The following PROM1 variants were observed in gnomAD, a reference collection of about 807,000 sequenced individuals.
The protein encoded by PROM1 is prominin 1, also known as prominin-1.
In PROM1, 105 loss-of-function variants were observed where a neutral mutation model predicts 116.9. The observed-to-expected ratio is 0.90, with a 90% CI of 0.77 to 1.06. The LOEUF (loss-of-function observed/expected upper bound fraction) is 1.06, where lower values mean the gene tolerates loss of function less well. PROM1 is among the 50% of genes least tolerant of loss of function. The pLI is 0.00. For synonymous variants in PROM1, 393 were observed against 387.0 expected (o/e 1.02, Z -0.18); for missense variants, 1,122 against 1,045.2 (o/e 1.07, Z -1.01).
intron 16 of PROM1, among the ~76,000 whole-genome samples, chr4:15,992,684 G>A (rs917562948): frequency 6.6e-6 from 1 of 152,126 alleles, no homozygotes; most frequent in African/African-American, 2.4e-5. Flanking sequence ...GCACTTGACT[G>A]GCATCTCTTC....
At chr4:15,973,233 C>T (rs965853615) in intron 26 of PROM1, among the ~76,000 whole-genome samples, 6 of 152,160 alleles carry the variant, frequency 3.9e-5, no homozygotes, top group Admixed American at 6.5e-5. Flanking sequence ...GATCACTTGA[C>T]GTCAGGAGTT....
At chr4:16,026,335 AG>A (rs1209217871) in intron 5 of PROM1, among the ~76,000 whole-genome samples, 1 of 152,150 alleles carries the variant, frequency 6.6e-6, no homozygotes, top group Non-Finnish European at 1.5e-5. Context: ...CTAATTGCCA[AG>A]GTTCTGTTGA....
intron 23 of PROM1, among the ~76,000 whole-genome samples, chr4:15,981,855 T>C (rs1461907335): frequency 6.6e-6 from 1 of 152,248 alleles, no homozygotes; most frequent in Non-Finnish European, 1.5e-5. Flanking sequence ...CATGTAAACC[T>C]GGATTTACAT....
At chr4:16,048,861 T>G (rs749858719) in intron 2 of PROM1, among the ~76,000 whole-genome samples, 1 of 152,182 alleles carries the variant, frequency 6.6e-6, no homozygotes, top group Non-Finnish European at 1.5e-5. Context: ...TTTACCTGGA[T>G]GTAGCATGTG....
At chr4:15,984,543 G>A (rs1718832271) in intron 22 of PROM1, among the ~76,000 whole-genome samples, 188 bp from the exon 23 acceptor site, 1 of 152,194 alleles carries the variant, frequency 6.6e-6, no homozygotes, top group African/African-American at 2.4e-5. Flanking sequence ...TAGGAACTGG[G>A]CTCCACAGCA....
At chr4:16,029,956 C>G (rs1363751299) in intron 5 of PROM1, among the ~76,000 whole-genome samples, 1 of 152,170 alleles carries the variant, frequency 6.6e-6, no homozygotes, top group Non-Finnish European at 1.5e-5. Context: ...TTTCTGCCTT[C>G]CAATTTTGTT....
At position 15,997,444 on chromosome 4, in the gene PROM1, T is replaced by C. The variant is rs1234088016; in HGVS notation, c.1682+941A>G. Among the ~76,000 whole-genome samples the C allele has an allele frequency of 4.6e-5, 7 of 151,078 alleles. 1 individual carries two copies. Among genetic ancestry groups the C allele is most frequent in the Non-Finnish European group, 1.0e-4 (7 of 67,754 alleles). The stretch of plus-strand genomic sequence containing the variant: ...ACCTGAGGTCAGGAGTTGTTATATA[T>C]ATATATACATAGTTTTTTTGTTTTC... On this transcript the variant is annotated intron_variant, in intron 15 of 27. Coordinates refer to ENST00000447510, the MANE Select transcript of PROM1 (RefSeq NM_006017.3).
At chr4:16,030,273 T>C (rs1732339812) in intron 5 of PROM1, among the ~76,000 whole-genome samples, 1 of 152,192 alleles carries the variant, frequency 6.6e-6, no homozygotes, top group Non-Finnish European at 1.5e-5. Flanking sequence ...CACACACTAC[T>C]CTTATTTAAG....
At chr4:15,984,395 C>T in intron 22 of PROM1, 40 bp from the exon 23 acceptor site, 1 of 1,385,604 alleles carries the variant, frequency 7.2e-7, no homozygotes, top group Non-Finnish European at 9.9e-7. Flanking sequence ...GAGCTGCATC[C>T]ACAAAAACCC....
At chr4:16,018,669 G>A in intron 8 of PROM1, 129 bp from the exon 9 acceptor site, 1 of 766,854 alleles carries the variant, frequency 1.3e-6, no homozygotes, top group Non-Finnish European at 2.2e-6. Flanking sequence ...ACACTGCAAG[G>A]GGCAGTCTGA....
In PROM1 at chr4:15,985,752, C is replaced by T. The variant is rs2149078265; in HGVS notation, c.2280+8G>A. The T allele has an allele frequency of 6.5e-7, 1 of 1,531,938 alleles. No individual in the cohort carries two copies. The highest frequency in any genetic ancestry group is 9.0e-7 in the Non-Finnish European group (1 of 1,110,458). 94.9% of individuals were successfully genotyped at this position (1,531,938 alleles called of 1,614,324 possible). On this transcript the variant is annotated splice_region_variant and intron_variant, in intron 22 of 27. Transcript: ENST00000447510. ...CCCCTTAACATTCATAAAAGATAAA[C>T]TACTTACAGAGAACTCGATCCACTG... is the stretch of plus-strand genomic sequence containing the variant.
intron 2 of PROM1, among the ~76,000 whole-genome samples, chr4:16,069,165 G>T (rs1424932092): frequency 6.6e-6 from 1 of 152,160 alleles, no homozygotes; most frequent in East Asian, 1.9e-4. Context: ...AACCCGGGAG[G>T]CAGAGGTTGC....
chr4:16,039,024 G>T, intron 2 of PROM1, 23 bp from the exon 3 acceptor site: 1 of 1,453,548 alleles, frequency 6.9e-7, no homozygotes, highest in Non-Finnish European at 9.1e-7. Context: ...CCACAAAATA[G>T]CAATATTATT....
rs557696517 is a variant in PROM1 at position 15,998,385 on chromosome 4, C to A, written c.1682G>T (p.Ser561Ile). ...AAATGTATAATGCAAATATTGATAC[C>A]TGTAAACTTGTTCAAAAGTGAGCTT... The part of the protein sequence containing the change: ...KMKLTFEQVY[S>I]DCKKNRGTYG... The change falls in exon 15 of 28, where the codon AGT becomes ATT. Residue 561 changes from serine (S) to isoleucine (I), a missense_variant and splice_region_variant. Ser to Ile is a moderately radical substitution (Grantham distance 142). Coordinates refer to ENST00000447510, the MANE Select transcript of PROM1 (RefSeq NM_006017.3). The A allele has an allele frequency of 6.3e-7, 1 of 1,593,336 alleles. No homozygotes were observed.
intron 2 of PROM1, among the ~76,000 whole-genome samples, chr4:16,072,256 T>A (rs562495731): frequency 6.6e-6 from 1 of 152,218 alleles, no homozygotes; most frequent in East Asian, 1.9e-4. Flanking sequence ...ACAAGAAGGG[T>A]TTCTCTTAGA....
intron 5 of PROM1, among the ~76,000 whole-genome samples, chr4:16,030,839 A>C (rs906325328): frequency 3.3e-5 from 5 of 152,188 alleles, no homozygotes; most frequent in African/African-American, 1.2e-4. Flanking sequence ...TGAGGCCAGG[A>C]GTTTGAGACC....
chr4:16,010,517 T>C (rs1283623245), intron 11 of PROM1, among the ~76,000 whole-genome samples: 1 of 152,192 alleles, frequency 6.6e-6, no homozygotes, highest in East Asian at 1.9e-4. Flanking sequence ...TTTTGTTTTC[T>C]TTTTGAGACA....
At chr4:16,044,210 T>C (rs1735998608) in intron 2 of PROM1, among the ~76,000 whole-genome samples, 1 of 152,240 alleles carries the variant, frequency 6.6e-6, no homozygotes, top group African/African-American at 2.4e-5. Context: ...GACTAAGATA[T>C]TTCTGTTCCC....
Position 16,075,811 on chromosome 4 carries a change from C to T in PROM1, c.96G>A (p.Trp32Ter), listed in dbSNP as rs794726926. The change falls in exon 2 of 28, where the codon TGG (tryptophan) becomes TGA (stop). Residue 32 changes from tryptophan (W) to a stop codon, truncating the protein, a stop_gained. Transcript: ENST00000447510. LOFTEE classifies it high-confidence loss of function. ...AATTTGTTGCAGGCAATTCATAATT[C>T]CAAGCCTTAGGAGCATCTGTGGATG... is the stretch of plus-strand genomic sequence containing the variant. Reference protein sequence around the residue: ...QPSSTDAPKAWNYELPATNYE... With the variant: ...QPSSTDAPKA 1 of 1,613,726 alleles carries T rather than the reference C, an allele frequency of 6.2e-7. No homozygotes were observed. The highest frequency in any genetic ancestry group is 1.7e-5 in the Admixed American group (1 of 60,002).
Sources: gnomAD v4.1 joint callset for allele counts (sites outside exome capture counted in the v4.1 genomes callset) on GRCh38, gnomAD v4.1.1 for gene constraint, MANE v1.5 for transcripts, NCBI Gene and HGNC (gene_info 2026-07-23, HGNC 2026-07-21) for gene names.